EFEMP1: variants seen among roughly 807,000 people sequenced by gnomAD.
EFEMP1 encodes EGF-containing fibulin-like extracellular matrix protein 1.
Under a neutral mutation model 65.7 loss-of-function variants are expected in EFEMP1, and 18 were observed. The ratio of observed to expected loss-of-function variants is 0.27; its 90% CI spans 0.19 to 0.41. The LOEUF is 0.41. Ranked by LOEUF, EFEMP1 falls within the 10% of genes least tolerant of loss-of-function variation. EFEMP1 has a pLI of 1.00. For synonymous variants in EFEMP1, 237 were observed against 219.7 expected (o/e 1.08, Z -0.70); for missense variants, 469 against 624.8 (o/e 0.75, Z 2.66).
Position 55,892,867 on chromosome 2 carries a change from G to C in EFEMP1, c.518-11133C>G, listed in dbSNP as rs74354418. Reference sequence around the variant, plus strand: ...AACCAAACTCTACGTTCTTAGATCTGTTATATATACTTAAAATGGTTACTG... The same window carrying C: ...AACCAAACTCTACGTTCTTAGATCTCTTATATATACTTAAAATGGTTACTG... On this transcript the variant is annotated intron_variant, in intron 5 of 11. Coordinates refer to ENST00000355426, the MANE Select transcript of EFEMP1 (RefSeq NM_001039348.3). 1.5e-3 allele frequency among the ~76,000 whole-genome samples: 227 copies of C among 152,216 alleles called. 4 individuals are homozygous for C. The East Asian group carries it at 0.036, about 24-fold the overall frequency.
intron 5 of EFEMP1, among the ~76,000 whole-genome samples, chr2:55,913,645 T>C (rs972224396): frequency 3.3e-5 from 5 of 152,072 alleles, no homozygotes; most frequent in African/African-American, 1.2e-4. Flanking sequence ...TAGAAAGTTA[T>C]ATATGATTTT....
At chr2:55,878,007 A>G (rs1004111524) in intron 6 of EFEMP1, 142 bp from the exon 7 acceptor site, 97 of 991,720 alleles carry the variant, frequency 9.8e-5, no homozygotes, top group Non-Finnish European at 1.4e-4. Context: ...GGGTATATGT[A>G]TTTTAAATAT....
chr2:55,910,364 A>G (rs951344352), intron 5 of EFEMP1, among the ~76,000 whole-genome samples: 1 of 152,222 alleles, frequency 6.6e-6, no homozygotes, highest in Non-Finnish European at 1.5e-5. Context: ...CCTCCTGGAA[A>G]AAGCAACATG....
chr2:55,899,937 G>GA (rs1669969934), intron 5 of EFEMP1, among the ~76,000 whole-genome samples: 1 of 151,944 alleles, frequency 6.6e-6, no homozygotes, highest in Non-Finnish European at 1.5e-5. Flanking sequence ...CTGAACTTTT[G>GA]AAAAAATCAA....
intron 5 of EFEMP1, among the ~76,000 whole-genome samples, chr2:55,915,005 A>G (rs1032430556): frequency 6.6e-5 from 10 of 152,262 alleles, no homozygotes; most frequent in African/African-American, 2.4e-4. Context: ...TAGCTCAATA[A>G]GAAATGGGCA....
chr2:55,918,279 A>T lies in EFEMP1; in HGVS notation c.82-12T>A. Reference sequence around the variant, plus strand: ...CCGTCAGTGCATTGCTGTGAAGAAAACATCAAAGGTGGGGCCAGGAGACAG... The same window carrying T: ...CCGTCAGTGCATTGCTGTGAAGAAATCATCAAAGGTGGGGCCAGGAGACAG... On this transcript the variant is annotated splice_polypyrimidine_tract_variant and intron_variant, in intron 3 of 11. Transcript: ENST00000355426. The T allele has an allele frequency of 6.2e-7, 1 of 1,614,142 alleles. No homozygotes were observed. The highest frequency in any genetic ancestry group is 8.5e-7 in the Non-Finnish European group (1 of 1,180,026).
At position 55,877,721 on chromosome 2, in the gene EFEMP1, A is replaced by C; in HGVS notation, c.760+25T>G. 6.2e-7 allele frequency: 1 copy of C among 1,612,536 alleles called. No individual in the cohort carries two copies. The highest frequency in any genetic ancestry group is 8.5e-7 in the Non-Finnish European group (1 of 1,178,864). ...GGGGTTTCCTTTTGTGAAGACAGAA[A>C]TCAGCAAGTTCTCAAAAGGCTTACC... On this transcript the variant is annotated intron_variant, in intron 7 of 11. Transcript: ENST00000355426. This position sits in a 1 kb window ranked among gnomAD's most constrained non-coding sequence, Gnocchi z 4.5.
chr2:55,873,066 C>CCACACACACACA lies in EFEMP1; in HGVS notation c.1000+1868_1000+1879dup, dbSNP rs58841515. On this transcript the variant is annotated intron_variant, in intron 9 of 11. Transcript: ENST00000355426. This position sits in a 1 kb window ranked among gnomAD's most constrained non-coding sequence, Gnocchi z 4.6. The stretch of plus-strand genomic sequence containing the variant: ...TTCTTTTGTCTCTCTGTCTCTCTCT[C>CCACACACACACA]CACACACACACACACACACACACAC... Among the ~76,000 whole-genome samples the CCACACACACACA allele has an allele frequency of 0.029, 4,194 of 145,350 alleles. 102 individuals are homozygous for CCACACACACACA. The highest frequency in any genetic ancestry group is 0.06 in the East Asian group (290 of 4,854).
chr2:55,871,020 G>C lies in EFEMP1; in HGVS notation c.1104C>G (p.Pro368=), dbSNP rs1263965407. The C allele has an allele frequency of 1.9e-6, 3 of 1,613,604 alleles. No homozygotes were observed. The Admixed American group carries it at 5.0e-5, about 27-fold the overall frequency. The change falls in exon 10 of 12, where the codon CCC becomes CCG. Residue 368 remains proline (P), a synonymous_variant. Coordinates refer to ENST00000355426, the MANE Select transcript of EFEMP1 (RefSeq NM_001039348.3). This position sits in a 1 kb window ranked among gnomAD's most constrained non-coding sequence, Gnocchi z 4.2. ...RCYPRNPCQD[P]YILTPENRCV... ...CTTACTTCTCTGGTGTTAGAATGTAGGGATCTTGACAAGGATTTCGTGGAT... is the reference window on the plus strand; with the variant it reads ...CTTACTTCTCTGGTGTTAGAATGTACGGATCTTGACAAGGATTTCGTGGAT...
At chr2:55,904,006 A>G (rs2104429737) in intron 5 of EFEMP1, among the ~76,000 whole-genome samples, 1 of 152,210 alleles carries the variant, frequency 6.6e-6, no homozygotes, top group Admixed American at 6.5e-5. Flanking sequence ...TTTCAGGGTA[A>G]GAAGCAGCGC....
chr2:55,877,847 A>G lies in EFEMP1; in HGVS notation c.659T>C (p.Ile220Thr). 6.2e-7 allele frequency: 1 copy of G among 1,613,116 alleles called. No homozygotes were observed. Among genetic ancestry groups the G allele is most frequent in the South Asian group, 1.1e-5 (1 of 91,078 alleles). ...GCATCTTTGGTGGCAATATGGAGGGATGGTACATTCATCTATGTCTAGGTT... is the reference window on the plus strand; with the variant it reads ...GCATCTTTGGTGGCAATATGGAGGGGTGGTACATTCATCTATGTCTAGGTT... Reference protein sequence around the residue: ...EQCVDIDECTIPPYCHQRCVN... With the variant: ...EQCVDIDECTTPPYCHQRCVN... Residue 220 changes from isoleucine to threonine, a missense_variant, in exon 7 of 12, where the codon ATC becomes ACC. Ile to Thr is a moderately conservative substitution (Grantham distance 89). Around this residue, in one of 3 missense-constraint regions of EFEMP1, gnomAD observed 399 missense variants for 528.2 expected, o/e 0.76. Coordinates refer to ENST00000355426, the MANE Select transcript of EFEMP1 (RefSeq NM_001039348.3). The surrounding 1 kb of genome is among the most constrained non-coding windows in gnomAD (Gnocchi z 4.5).
rs1438627009 is a variant in EFEMP1 at position 55,866,105 on chromosome 2, C to G, written c.*968G>C. The G allele has an allele frequency of 1.3e-5, 2 of 152,150 alleles. No individual in the cohort carries two copies. Among genetic ancestry groups the G allele is most frequent in the Non-Finnish European group, 2.9e-5 (2 of 68,042 alleles). The allele number at this position is 152,150 out of a possible 1,614,324, so 9.4% of individuals were successfully genotyped here. On this transcript the variant is annotated 3_prime_UTR_variant, in exon 12 of 12. Coordinates refer to ENST00000355426, the MANE Select transcript of EFEMP1 (RefSeq NM_001039348.3). Reference sequence around the variant, plus strand: ...TAATTTGCTTAAGTTCACTGTCACTCTGGATGCCAGGAATAAAAACCATCA... The same window carrying G: ...TAATTTGCTTAAGTTCACTGTCACTGTGGATGCCAGGAATAAAAACCATCA...
intron 5 of EFEMP1, among the ~76,000 whole-genome samples, chr2:55,895,544 CTTT>C (rs11439731): frequency 4.3e-5 from 6 of 138,540 alleles, no homozygotes; most frequent in Admixed American, 2.9e-4. Context: ...CACAAATTAT[CTTT>C]TTTTTTTTTT....
intron 8 of EFEMP1, 53 bp downstream of exon 8, chr2:55,876,570 A>G (rs1443126449): frequency 1.2e-6 from 2 of 1,601,412 alleles, no homozygotes; most frequent in African/African-American, 2.7e-5. Context: ...AGATAAAACA[A>G]CAGCAGTCAC....
At chr2:55,902,709 T>TA (rs1323353564) in intron 5 of EFEMP1, among the ~76,000 whole-genome samples, 8 of 152,196 alleles carry the variant, frequency 5.3e-5, no homozygotes, top group Non-Finnish European at 1.0e-4. Context: ...TTCAGGTGAT[T>TA]AGAACCAGCT....
At chr2:55,891,406 G>T (rs1192793177) in intron 5 of EFEMP1, among the ~76,000 whole-genome samples, 1 of 152,018 alleles carries the variant, frequency 6.6e-6, no homozygotes, top group African/African-American at 2.4e-5. Context: ...CTTGTTAATT[G>T]TACTGTACAG....
chr2:55,918,110 A>G, intron 4 of EFEMP1, 59 bp from the exon 5 acceptor site: 1 of 1,613,582 alleles, frequency 6.2e-7, no homozygotes, highest in Non-Finnish European at 8.5e-7. Context: ...CAAACATGTA[A>G]ATATAATGCT....
At position 55,886,873 on chromosome 2, in the gene EFEMP1, C is replaced by G. The variant is rs1001414528; in HGVS notation, c.518-5139G>C. ...TGAAGTTTACTACTGTTTTACTCAT[C>G]CAGTATTTGCTATTGATAATGATAA... On this transcript the variant is annotated intron_variant, in intron 5 of 11. Coordinates refer to ENST00000355426, the MANE Select transcript of EFEMP1 (RefSeq NM_001039348.3). The surrounding 1 kb of genome is among the most constrained non-coding windows in gnomAD (Gnocchi z 4.0). Among the ~76,000 whole-genome samples the G allele has an allele frequency of 7.9e-5, 12 of 151,982 alleles. No individual in the cohort carries two copies. The highest frequency in any genetic ancestry group is 2.7e-4 in the African/African-American group (11 of 41,364).
At chr2:55,887,831 A>C (rs1404773814) in intron 5 of EFEMP1, among the ~76,000 whole-genome samples, 1 of 152,198 alleles carries the variant, frequency 6.6e-6, no homozygotes, top group East Asian at 1.9e-4. Context: ...CAAGTGTCCT[A>C]GAAGCCCTTG....
Sources: allele counts gnomAD v4.1 joint callset (sites outside exome capture counted in the v4.1 genomes callset), GRCh38; gene constraint gnomAD v4.1.1; regional missense constraint gnomAD v4.1.1; non-coding constraint Gnocchi (gnomAD v3.1); transcripts MANE v1.5; gene names NCBI Gene and HGNC (gene_info 2026-07-23, HGNC 2026-07-21).